AMOTL2: variants seen among roughly 807,000 people sequenced by gnomAD.
The protein encoded by AMOTL2 is angiomotin-like protein 2.
A neutral mutation model predicts 78.4 loss-of-function variants in AMOTL2; 33 were observed. That is an observed-to-expected ratio of 0.42 (90% CI 0.32 to 0.56). The LOEUF (loss-of-function observed/expected upper bound fraction) is 0.56. Ranked by LOEUF, AMOTL2 falls within the 20% of genes least tolerant of loss-of-function variation. The pLI is 0.12. For missense variants in AMOTL2, 983 were observed against 1,030.1 expected, an observed-to-expected ratio of 0.95 and a Z score of 0.63; for synonymous variants, 422 against 428.8, an observed-to-expected ratio of 0.98 and a Z score of 0.20.
chr3:134,375,299 A>T, upstream of AMOTL2: 1 of 1,486,330 alleles, frequency 6.7e-7, no homozygotes, highest in African/African-American at 1.4e-5. Flanking sequence ...TCGCCCAGTC[A>T]TCCGATTCAG....
At chr3:134,367,892 T>C in intron 2 of AMOTL2, 89 bp from the exon 3 acceptor site, 1 of 1,057,628 alleles carries the variant, frequency 9.5e-7, no homozygotes, top group Non-Finnish European at 1.4e-6. Flanking sequence ...CTCCTAGGCA[T>C]ACTGGGAAGA....
Position 134,358,486 on chromosome 3 carries a change from C to A in AMOTL2, c.2284+54G>T. On this transcript the variant is annotated intron_variant, in intron 9 of 9. Coordinates refer to ENST00000249883, the MANE Select transcript of AMOTL2 (RefSeq NM_016201.4). Reference sequence around the variant, plus strand: ...AAAAGGCCTTGTGTTCCAGTTCACACCCCAGTGCCCCCTCGGCCCTACCTA... The same window carrying A: ...AAAAGGCCTTGTGTTCCAGTTCACAACCCAGTGCCCCCTCGGCCCTACCTA... 24 of 1,563,868 alleles carry A rather than the reference C, an allele frequency of 1.5e-5. No homozygotes were observed. The South Asian group carries it at 2.5e-4, about 16-fold the overall frequency.
At chr3:134,370,648 C>T (rs542564921) in intron 2 of AMOTL2, 52 bp downstream of exon 2, 4 of 1,495,498 alleles carry the variant, frequency 2.7e-6, no homozygotes, top group African/African-American at 1.4e-5. Flanking sequence ...CCCTGAGAGA[C>T]CTGTGCTGGA....
At position 134,359,427 on chromosome 3, in the gene AMOTL2, G is replaced by A. The variant is rs1304489050; in HGVS notation, c.1960C>T (p.Pro654Ser). Residue 654 changes from proline (P) to serine (S), a missense_variant, in exon 8 of 10, where the codon CCT (proline) becomes TCT (serine). Coordinates refer to ENST00000249883, the MANE Select transcript of AMOTL2 (RefSeq NM_016201.4). ...AGGGAGCCCTGGATGGCCTTGCCAG[G>A]GTCTCTCCTGGAGCGCTGCTGAAGG... is the stretch of plus-strand genomic sequence containing the variant. ...KVLQQRSRRD[P>S]GKAIQGSLRP... is the part of the protein sequence containing the mutation. 1.2e-6 allele frequency: 2 copies of A among 1,614,150 alleles called. No individual in the cohort carries two copies. Among genetic ancestry groups the A allele is most frequent in the Non-Finnish European group, 1.7e-6 (2 of 1,180,026 alleles).
chr3:134,367,258 T>C (rs1322997484), intron 3 of AMOTL2, among the ~76,000 whole-genome samples: 2 of 152,138 alleles, frequency 1.3e-5, no homozygotes, highest in African/African-American at 4.8e-5. Context: ...TAATCACCAC[T>C]GGCCAGCAAC....
At chr3:134,359,223 C>T (rs770586292) in intron 8 of AMOTL2, 60 bp downstream of exon 8, 35 of 1,575,232 alleles carry the variant, frequency 2.2e-5, no homozygotes, top group Non-Finnish European at 8.7e-7. Flanking sequence ...GTCTGGCAAT[C>T]TGTGTTCAGG....
At chr3:134,374,216 G>A (rs1382358983) in intron 1 of AMOTL2, 126 bp downstream of exon 1, 4 of 984,484 alleles carry the variant, frequency 4.1e-6, no homozygotes, top group Non-Finnish European at 4.8e-6. Context: ...ACTGCGCCCC[G>A]AGGACGCTCG....
At chr3:134,365,290 C>G (rs960630821) in intron 5 of AMOTL2, among the ~76,000 whole-genome samples, 5 of 152,240 alleles carry the variant, frequency 3.3e-5, no homozygotes, top group Non-Finnish European at 7.3e-5. Flanking sequence ...GATGCTTAGA[C>G]CGCCCCGTTT....
upstream of AMOTL2, chr3:134,375,263 G>C (rs1422734026): frequency 6.5e-7 from 1 of 1,534,408 alleles, no homozygotes; most frequent in South Asian, 1.2e-5. Context: ...TTTACGCAGA[G>C]TGCAAGGTGT....
rs756161031 is a variant in AMOTL2, at chr3:134,358,728, G to A, written c.2105-9C>T. 2 of 1,614,074 alleles carry A rather than the reference G, an allele frequency of 1.2e-6. No individual in the cohort carries two copies. Among genetic ancestry groups the A allele is most frequent in the South Asian group, 2.2e-5 (2 of 91,066 alleles). ...TGTGGGTGCTCTGTCTGCTGGAAAG[G>A]TAGGTGGATGGTTATTGCCATGCCT... On this transcript the variant is annotated splice_polypyrimidine_tract_variant and intron_variant, in intron 8 of 9. Coordinates refer to ENST00000249883, the MANE Select transcript of AMOTL2 (RefSeq NM_016201.4).
At position 134,361,594 on chromosome 3, in the gene AMOTL2, G is replaced by C; in HGVS notation, c.1493C>G (p.Ala498Gly). The C allele has an allele frequency of 8.7e-6, 14 of 1,613,062 alleles. No homozygotes were observed. The highest frequency in any genetic ancestry group is 1.2e-5 in the Non-Finnish European group (14 of 1,179,958). The change falls in exon 6 of 10, where the codon GCA becomes GGA. Residue 498 changes from alanine to glycine, a missense_variant. Transcript: ENST00000249883. Reference protein sequence around the residue: ...RLQQALGQLQAACEKREQLEL... With the variant: ...RLQQALGQLQGACEKREQLEL... ...CAGCTGCTCCCGCTTCTCACAGGCTGCCTGCAGCTGCCCGAGCGCCTGCTG... is the reference window on the plus strand; with the variant it reads ...CAGCTGCTCCCGCTTCTCACAGGCTCCCTGCAGCTGCCCGAGCGCCTGCTG...
At chr3:134,375,009 G>T (rs960656956), upstream of AMOTL2, 4 of 1,433,764 alleles carry the variant, frequency 2.8e-6, no homozygotes, top group African/African-American at 5.8e-5. Flanking sequence ...ACAGTGCCCC[G>T]GGCTAAGTGA....
intron 5 of AMOTL2, 62 bp downstream of exon 5, chr3:134,365,755 G>T: frequency 1.4e-6 from 2 of 1,452,012 alleles, no homozygotes; most frequent in East Asian, 2.3e-5. Flanking sequence ...CTAGTCCAGA[G>T]GGTGTGCAGC....
chr3:134,374,432 G>C lies in AMOTL2; in HGVS notation c.-152C>G. ...CGGCGGCGAAGATGTGTTCTCGGCCGTGGCGCCGACGCTCTGGCTGTTCGC... is the reference window on the plus strand; with the variant it reads ...CGGCGGCGAAGATGTGTTCTCGGCCCTGGCGCCGACGCTCTGGCTGTTCGC... On this transcript the variant is annotated 5_prime_UTR_variant, in exon 1 of 10. Coordinates refer to ENST00000249883, the MANE Select transcript of AMOTL2 (RefSeq NM_016201.4). The C allele has an allele frequency of 1.0e-6, 1 of 985,468 alleles. No individual in the cohort carries two copies. Among genetic ancestry groups the C allele is most frequent in the Non-Finnish European group, 1.2e-6 (1 of 829,978 alleles). 61.0% of individuals were successfully genotyped at this position (985,468 alleles called of 1,614,324 possible). A position where few individuals can be genotyped will look rare whatever the true frequency, so the allele number is the denominator to read the frequency against.
Position 134,361,649 on chromosome 3 carries a change from G to T in AMOTL2, c.1438C>A (p.Gln480Lys). ...ARAEEELRKK[Q>K]AYVEKVERLQ... The stretch of plus-strand genomic sequence containing the variant: ...CGCTCCACTTTCTCCACATAGGCCT[G>T]CTTCTTGCGCAGCTCCTCTTCGGCT... The change falls in exon 6 of 10, where the codon CAG becomes AAG. Residue 480 changes from glutamine (Q) to lysine (K), a missense_variant. Physicochemically the swap from Gln to Lys is moderately conservative, Grantham distance 53 (BLOSUM62 1). Transcript: ENST00000249883. 1 of 1,612,654 alleles carries T rather than the reference G, an allele frequency of 6.2e-7. No homozygotes were observed. The highest frequency in any genetic ancestry group is 1.1e-5 in the South Asian group (1 of 91,088).
At chr3:134,375,104 AAC>A, upstream of AMOTL2, 3 of 1,506,328 alleles carry the variant, frequency 2.0e-6, no homozygotes, top group Non-Finnish European at 2.7e-6. Flanking sequence ...TTTGTTTACA[AAC>A]ACCTTCGCCA....
chr3:134,358,715 G>C lies in AMOTL2; in HGVS notation c.2109C>G (p.Asp703Glu). Residue 703 changes from aspartate to glutamate, a missense_variant, in exon 9 of 10, where the codon GAC becomes GAG. By Grantham distance (45) the Asp-to-Glu change is conservative. Coordinates refer to ENST00000249883, the MANE Select transcript of AMOTL2 (RefSeq NM_016201.4). ...CCACTGGCTCCTCTGTGGGTGCTCTGTCTGCTGGAAAGGTAGGTGGATGGT... is the reference window on the plus strand; with the variant it reads ...CCACTGGCTCCTCTGTGGGTGCTCTCTCTGCTGGAAAGGTAGGTGGATGGT... ...ADAPARLTTA[D>E]RAPTEEPVVT... 2 of 1,614,100 alleles carry C rather than the reference G, an allele frequency of 1.2e-6. No individual in the cohort carries two copies. Among genetic ancestry groups the C allele is most frequent in the Non-Finnish European group, 1.7e-6 (2 of 1,180,030 alleles).
At chr3:134,371,839 T>A in intron 1 of AMOTL2, 1 of 244,560 alleles carries the variant, frequency 4.1e-6, no homozygotes, top group African/African-American at 2.2e-5. Context: ...GGAGACTTAC[T>A]ATTCCTGGAG....
intron 7 of AMOTL2, 58 bp from the exon 8 acceptor site, chr3:134,359,561 C>A: frequency 7.0e-7 from 1 of 1,425,114 alleles, no homozygotes; most frequent in Non-Finnish European, 9.7e-7. Context: ...CAGCCTCCAC[C>A]CTTCCTGCCT....
Sources: gnomAD v4.1 joint callset for allele counts (sites outside exome capture counted in the v4.1 genomes callset) on GRCh38, gnomAD v4.1.1 for gene constraint, MANE v1.5 for transcripts, NCBI Gene and HGNC (gene_info 2026-07-23, HGNC 2026-07-21) for gene names.